Variants in METAP2 observed in about 807,000 individuals in gnomAD.
METAP2 encodes the protein methionyl aminopeptidase 2.
A neutral mutation model predicts 59.4 loss-of-function variants in METAP2; 25 were observed. That is an observed-to-expected ratio of 0.42 (90% CI 0.31 to 0.59). The LOEUF is 0.59. METAP2 is among the 20% of genes least tolerant of loss of function. The probability of loss-of-function intolerance (pLI) is 0.16; values close to 1 mark genes in which losing one functional copy is unlikely to be tolerated. For synonymous variants in METAP2, 214 were observed against 194.1 expected (o/e 1.10, Z -0.85); for missense variants, 366 against 581.2 (o/e 0.63, Z 3.81).
intron 4 of METAP2, among the ~76,000 whole-genome samples, chr12:95,491,812 A>C (rs1005202863): frequency 1.4e-5 from 2 of 144,888 alleles, no homozygotes; most frequent in Non-Finnish European, 3.0e-5. Flanking sequence ...ATGCCTGGTC[A>C]TTACTATTTT....
chr12:95,499,797 C>A (rs542073961), intron 7 of METAP2, among the ~76,000 whole-genome samples: 1 of 152,076 alleles, frequency 6.6e-6, no homozygotes, highest in African/African-American at 2.4e-5. Flanking sequence ...AGTAGGGAGG[C>A]CTCAGGAAAC....
At chr12:95,509,419 GAT>G (rs750386294) in intron 8 of METAP2, among the ~76,000 whole-genome samples, 14 of 152,270 alleles carry the variant, frequency 9.2e-5, no homozygotes, top group South Asian at 4.1e-4. Context: ...CGAAAATGAG[GAT>G]GACATAATTG....
intron 7 of METAP2, among the ~76,000 whole-genome samples, chr12:95,498,027 G>A (rs952671566): frequency 4.0e-5 from 6 of 151,796 alleles, no homozygotes; most frequent in Admixed American, 3.3e-4. Flanking sequence ...CAGCTACTGA[G>A]GAGGCTGAGG....
chr12:95,494,889 T>A, intron 5 of METAP2, 68 bp from the exon 6 acceptor site: 2 of 1,292,130 alleles, frequency 1.5e-6, no homozygotes, highest in South Asian at 3.2e-5. Flanking sequence ...CTTGATGAAC[T>A]ATATGGTATT....
chr12:95,505,712 C>T (rs2076353698), intron 8 of METAP2, among the ~76,000 whole-genome samples: 1 of 150,078 alleles, frequency 6.7e-6, no homozygotes, highest in African/African-American at 2.4e-5. Flanking sequence ...CCAGGCTGGT[C>T]TCGAACTCCA....
chr12:95,480,044 G>A lies in METAP2; in HGVS notation c.260-3171G>A, dbSNP rs910363123. 1.1e-4 allele frequency among the ~76,000 whole-genome samples: 17 copies of A among 152,158 alleles called. 1 individual carries two copies. Among genetic ancestry groups the A allele is most frequent in the African/African-American group, 4.1e-4 (17 of 41,426 alleles). On this transcript the variant is annotated intron_variant, in intron 2 of 10. Transcript: ENST00000323666. The stretch of plus-strand genomic sequence containing the variant: ...TCTCCAGAAAAAAGTTGTGTCTCTT[G>A]TAGTTGGTTCTCTTGCACTATACCT...
intron 7 of METAP2, among the ~76,000 whole-genome samples, chr12:95,499,945 C>A (rs2076302931): frequency 6.6e-6 from 1 of 152,172 alleles, no homozygotes; most frequent in African/African-American, 2.4e-5. Context: ...ATGAGAACAA[C>A]ATGGGGGAAC....
Position 95,485,791 on chromosome 12 carries a change from T to C in METAP2, c.326-88T>C, listed in dbSNP as rs1053354683. ...GGAGTTTCCTTAAAATCAGAACATATAACAACCATTAGGAACTGAGAAAAC... is the reference window on the plus strand; with the variant it reads ...GGAGTTTCCTTAAAATCAGAACATACAACAACCATTAGGAACTGAGAAAAC... On this transcript the variant is annotated intron_variant, in intron 3 of 10. Transcript: ENST00000323666. 1.3e-5 allele frequency: 11 copies of C among 849,994 alleles called. No homozygotes were observed. The African/African-American group carries it at 1.4e-4, about 11-fold the overall frequency. The allele number at this position is 849,994 out of a possible 1,614,324, so 52.7% of individuals were successfully genotyped here. A position where few individuals can be genotyped will look rare whatever the true frequency, so the allele number is the denominator to read the frequency against.
chr12:95,513,919 C>T lies in METAP2; in HGVS notation c.*15C>T, dbSNP rs1023140697. On this transcript the variant is annotated 3_prime_UTR_variant, in exon 11 of 11. Coordinates refer to ENST00000323666, the MANE Select transcript of METAP2 (RefSeq NM_006838.4). The stretch of plus-strand genomic sequence containing the variant: ...ATGACTATTAAACTTAGTCCAAAGC[C>T]ACCTCAACACCTTTATTTTCTGAGC... 6.3e-7 allele frequency: 1 copy of T among 1,588,480 alleles called. No individual in the cohort carries two copies. Among genetic ancestry groups the T allele is most frequent in the Non-Finnish European group, 8.6e-7 (1 of 1,167,704 alleles).
intron 9 of METAP2, among the ~76,000 whole-genome samples, chr12:95,512,420 T>G (rs569047234): frequency 6.6e-6 from 1 of 152,118 alleles, no homozygotes; most frequent in South Asian, 2.1e-4. Flanking sequence ...GAGATGGTAA[T>G]TGTAGGCCAG....
At chr12:95,478,623 ACT>A (rs1352707950) in intron 2 of METAP2, among the ~76,000 whole-genome samples, 1 of 152,010 alleles carries the variant, frequency 6.6e-6, no homozygotes, top group Non-Finnish European at 1.5e-5. Context: ...CAAAAGTGAA[ACT>A]CTGTCTCAAA....
intron 8 of METAP2, among the ~76,000 whole-genome samples, chr12:95,510,993 T>G (rs971088824): frequency 3.3e-5 from 5 of 152,220 alleles, no homozygotes; most frequent in Admixed American, 3.3e-4. Flanking sequence ...AGTTGTTAAA[T>G]GTATTCCTAG....
chr12:95,486,788 C>T (rs1055256156), intron 4 of METAP2, among the ~76,000 whole-genome samples: 3 of 152,104 alleles, frequency 2.0e-5, no homozygotes, highest in African/African-American at 4.8e-5. Flanking sequence ...TGAGCCACTG[C>T]GCCCAGCCAA....
rs940376595 is a variant in METAP2, at chr12:95,485,346, C to G, written c.326-533C>G. Among the ~76,000 whole-genome samples, 17 of 152,192 alleles carry G rather than the reference C, an allele frequency of 1.1e-4. 1 individual carries two copies. The South Asian group carries it at 3.5e-3, about 32-fold the overall frequency. ...AATTTATGCACAATATAAAAGGCATCTTTATCAGATTTGTAGATGAGATAA... is the reference window on the plus strand; with the variant it reads ...AATTTATGCACAATATAAAAGGCATGTTTATCAGATTTGTAGATGAGATAA... On this transcript the variant is annotated intron_variant, in intron 3 of 10. Transcript: ENST00000323666.
At chr12:95,508,465 G>A (rs1304528545) in intron 8 of METAP2, among the ~76,000 whole-genome samples, 4 of 152,164 alleles carry the variant, frequency 2.6e-5, no homozygotes, top group African/African-American at 9.7e-5. Context: ...TGGGCCTTCT[G>A]ATTTCTAGGT....
At chr12:95,507,589 T>C (rs2076371093) in intron 8 of METAP2, among the ~76,000 whole-genome samples, 4 of 152,258 alleles carry the variant, frequency 2.6e-5, no homozygotes. Context: ...TTTTTTTAAA[T>C]TGTTAGCTCA....
chr12:95,488,351 T>TA (rs1276806839), intron 4 of METAP2, among the ~76,000 whole-genome samples: 2 of 150,560 alleles, frequency 1.3e-5, no homozygotes, highest in Non-Finnish European at 1.5e-5. Context: ...AATAAAAAAA[T>TA]AAAAAAAATT....
rs1164216996 is a variant in METAP2 at position 95,504,532 on chromosome 12, C to T, written c.964+371C>T. Among the ~76,000 whole-genome samples, 4 of 152,232 alleles carry T rather than the reference C, an allele frequency of 2.6e-5. 1 individual carries two copies. In the East Asian group the frequency reaches 5.8e-4, roughly 22 times the overall value. ...GTTTTTTAAAGACAGGGTCTCGTTC[C>T]GTCATCCAGGCTGGAGCGCAGTGGT... is the stretch of plus-strand genomic sequence containing the variant. On this transcript the variant is annotated intron_variant, in intron 8 of 10. Transcript: ENST00000323666.
chr12:95,479,873 T>A (rs2076146353), intron 2 of METAP2, among the ~76,000 whole-genome samples: 1 of 152,200 alleles, frequency 6.6e-6, no homozygotes, highest in Non-Finnish European at 1.5e-5. Context: ...CCTCCCAAAG[T>A]GCTGGGATTA....
Sources: gnomAD v4.1 joint callset for allele counts (sites outside exome capture counted in the v4.1 genomes callset) on GRCh38, gnomAD v4.1.1 for gene constraint, MANE v1.5 for transcripts, NCBI Gene and HGNC (gene_info 2026-07-23, HGNC 2026-07-21) for gene names.